The following PDE1C variants were observed in gnomAD, a reference collection of about 807,000 sequenced individuals.
PDE1C encodes phosphodiesterase 1C, also known as dual specificity calcium/calmodulin-dependent 3',5'-cyclic nucleotide phosphodiesterase 1C.
PDE1C carries 62 observed loss-of-function variants against 93.1 expected under a neutral mutation model. The observed-to-expected ratio is 0.67, with a 90% CI of 0.54 to 0.82. The LOEUF (loss-of-function observed/expected upper bound fraction) is 0.82. PDE1C is among the 40% of genes least tolerant of loss of function. The pLI is 0.00. For missense variants in PDE1C, 742 were observed against 884.6 expected, an observed-to-expected ratio of 0.84 and a Z score of 2.04; for synonymous variants, 325 against 310.1, an observed-to-expected ratio of 1.05 and a Z score of -0.50.
intron 7 of PDE1C, among the ~76,000 whole-genome samples, chr7:31,854,226 T>G (rs1241209231): frequency 6.6e-6 from 1 of 152,122 alleles, no homozygotes; most frequent in Non-Finnish European, 1.5e-5. Context: ...CAGGTGATAT[T>G]AGATAGCATC....
chr7:31,820,976 T>C (rs890110585), intron 14 of PDE1C: 8 of 139,964 alleles, frequency 5.7e-5, no homozygotes, highest in Admixed American at 2.9e-4. Flanking sequence ...AGAACCTATC[T>C]GAATTTGCCA....
At chr7:32,036,727 A>G (rs995137033) in intron 2 of PDE1C, among the ~76,000 whole-genome samples, 7 of 152,208 alleles carry the variant, frequency 4.6e-5, no homozygotes, top group Admixed American at 4.6e-4. Flanking sequence ...TTGAAAAACC[A>G]CAACTTAACC....
At chr7:32,067,921 T>C (rs1795591101) in intron 1 of PDE1C, among the ~76,000 whole-genome samples, 1 of 152,204 alleles carries the variant, frequency 6.6e-6, no homozygotes, top group African/African-American at 2.4e-5. Flanking sequence ...AGTAAGTATG[T>C]GTCCTCATGG....
At chr7:31,936,303 C>T (rs927482702) in intron 2 of PDE1C, among the ~76,000 whole-genome samples, 4 of 152,068 alleles carry the variant, frequency 2.6e-5, no homozygotes, top group Admixed American at 6.5e-5. Flanking sequence ...ACCCAAACTG[C>T]ATTGATGCTG....
At chr7:32,114,582 C>T (rs1274899377) in intron 3 of PDE1C, among the ~76,000 whole-genome samples, 1 of 152,092 alleles carries the variant, frequency 6.6e-6, no homozygotes, top group Non-Finnish European at 1.5e-5. Flanking sequence ...AGGAAAATGC[C>T]AAAAGCAATT....
At chr7:32,098,692 ATG>A (rs1451922337) in intron 3 of PDE1C, among the ~76,000 whole-genome samples, 2 of 152,210 alleles carry the variant, frequency 1.3e-5, no homozygotes, top group Non-Finnish European at 2.9e-5. Flanking sequence ...GTTTCTGTTT[ATG>A]CACCCTGTGG....
At chr7:31,785,287 C>G (rs28423018) in intron 16 of PDE1C, 22,573 of 152,110 alleles carry the variant, frequency 0.15, 2,134 homozygotes, top group Non-Finnish European at 0.21. Flanking sequence ...AATGAGTGTG[C>G]CCTGAGCGAA....
chr7:31,895,681 C>T (rs1799212033), intron 2 of PDE1C, among the ~76,000 whole-genome samples: 1 of 151,662 alleles, frequency 6.6e-6, no homozygotes, highest in South Asian at 2.1e-4. Flanking sequence ...CCATAATCCC[C>T]ACATGTCAAG....
the PDE1C span, among the ~76,000 whole-genome samples, chr7:31,729,444 C>T: frequency 3.3e-5 from 5 of 152,176 alleles, no homozygotes; most frequent in African/African-American, 4.8e-5. Context: ...AAAAGCAAAA[C>T]GTCTTGCATT....
chr7:32,311,735 G>A (rs985563535), intron 1 of PDE1C, among the ~76,000 whole-genome samples: 4 of 152,074 alleles, frequency 2.6e-5, no homozygotes, highest in Admixed American at 1.3e-4. Context: ...CAATAAATTA[G>A]GTATTGATGG....
chr7:31,667,569 T>C, the PDE1C span, among the ~76,000 whole-genome samples: 2 of 152,166 alleles, frequency 1.3e-5, no homozygotes, highest in African/African-American at 4.8e-5. Context: ...ACAAGGGAGA[T>C]AGGCCTTGCT....
chr7:32,082,055 G>A lies in PDE1C; in HGVS notation c.308+87730C>T, dbSNP rs565225793. 7.9e-5 allele frequency among the ~76,000 whole-genome samples: 12 copies of A among 152,352 alleles called. No homozygotes were observed. The East Asian group carries it at 9.6e-4, about 12-fold the overall frequency. Reference sequence around the variant, plus strand: ...CACCATGCGCGAGCCAAAGCAGGGCGAGGCATTGCCTCACTCCAGAAGTGC... The same window carrying A: ...CACCATGCGCGAGCCAAAGCAGGGCAAGGCATTGCCTCACTCCAGAAGTGC... On this transcript the variant is annotated intron_variant, in intron 3 of 18. Coordinates refer to the PDE1C transcript ENST00000396193.
intron 16 of PDE1C, among the ~76,000 whole-genome samples, chr7:31,777,657 T>C (rs1490030664): frequency 6.6e-6 from 1 of 152,120 alleles, no homozygotes; most frequent in African/African-American, 2.4e-5. Context: ...AGGGCACCAA[T>C]CCTGACATTG....
At chr7:31,619,054 C>T in the PDE1C span, among the ~76,000 whole-genome samples, 148,654 of 152,330 alleles carry the variant, frequency 0.98, 72,548 homozygotes, top group East Asian at 0.99. Context: ...TGATTCCATA[C>T]TGACCTTTGT....
intron 1 of PDE1C, among the ~76,000 whole-genome samples, chr7:32,252,084 A>C (rs926979377): frequency 6.6e-6 from 1 of 152,250 alleles, no homozygotes; most frequent in African/African-American, 2.4e-5. Flanking sequence ...AATTTCAATT[A>C]TTCAGGGACC....
At chr7:32,008,745 A>G (rs1786624977) in intron 2 of PDE1C, among the ~76,000 whole-genome samples, 1 of 152,232 alleles carries the variant, frequency 6.6e-6, no homozygotes, top group Non-Finnish European at 1.5e-5. Flanking sequence ...AACTGAAAAA[A>G]AAAGACATGA....
chr7:32,213,766 A>G (rs1027364292), intron 1 of PDE1C, among the ~76,000 whole-genome samples: 5 of 152,232 alleles, frequency 3.3e-5, no homozygotes, highest in Non-Finnish European at 7.3e-5. Context: ...ATGGAAAGTT[A>G]TCTATGCCAT....
At chr7:32,225,651 G>A (rs1009990455) in intron 1 of PDE1C, among the ~76,000 whole-genome samples, 3 of 152,092 alleles carry the variant, frequency 2.0e-5, no homozygotes, top group African/African-American at 4.8e-5. Flanking sequence ...ACATTCCCTC[G>A]GCTCATCTTC....
intron 2 of PDE1C, among the ~76,000 whole-genome samples, chr7:32,045,062 AC>A (rs1158863664): frequency 2.6e-4 from 8 of 30,666 alleles, no homozygotes; most frequent in Admixed American, 2.1e-3. Context: ...CCCCCCTCCC[AC>A]CCCCTCCCTT....
Sources: gnomAD v4.1 joint callset for allele counts (sites outside exome capture counted in the v4.1 genomes callset) on GRCh38, gnomAD v4.1.1 for gene constraint, MANE v1.5 for transcripts, NCBI Gene and HGNC (gene_info 2026-07-23, HGNC 2026-07-21) for gene names.